Variants in DAB1 observed in about 807,000 individuals in gnomAD.
DAB1 encodes disabled homolog 1.
In DAB1, 15 loss-of-function variants were observed where a neutral mutation model predicts 64.6. That is an observed-to-expected ratio of 0.23 (90% CI 0.16 to 0.36). The LOEUF (loss-of-function observed/expected upper bound fraction) is 0.36, where lower values mean the gene tolerates loss of function less well. DAB1 is among the 10% of genes least tolerant of loss of function. The probability of loss-of-function intolerance (pLI) is 1.00; values close to 1 mark genes in which losing one functional copy is unlikely to be tolerated. For missense variants in DAB1, 596 were observed against 706.7 expected, an observed-to-expected ratio of 0.84 and a Z score of 1.78; for synonymous variants, 235 against 251.9, an observed-to-expected ratio of 0.93 and a Z score of 0.64.
At chr1:57,373,471 C>A (rs1021248442) in intron 1 of DAB1, among the ~76,000 whole-genome samples, 1 of 152,114 alleles carries the variant, frequency 6.6e-6, no homozygotes, top group South Asian at 2.1e-4. Context: ...AGCCCCCTAC[C>A]TGCCCCCTCA....
At chr1:58,472,301 G>A (rs1269687855) in intron 3 of DAB1, among the ~76,000 whole-genome samples, 1 of 152,200 alleles carries the variant, frequency 6.6e-6, no homozygotes, top group African/African-American at 2.4e-5. Context: ...GTCCTGAATA[G>A]GAGTAAAATA....
chr1:57,113,950 C>A (rs189444982), intron 4 of DAB1, among the ~76,000 whole-genome samples: 14 of 152,342 alleles, frequency 9.2e-5, no homozygotes, highest in Admixed American at 7.2e-4. Context: ...TGCACATACT[C>A]TTAGAGTACA....
chr1:57,189,517 A>G (rs1436756191), intron 2 of DAB1, among the ~76,000 whole-genome samples: 2 of 152,138 alleles, frequency 1.3e-5, no homozygotes, highest in African/African-American at 2.4e-5. Flanking sequence ...TCTGGAGCAA[A>G]TGGTTTTGCA....
At chr1:57,413,445 G>A (rs2101064593) in intron 1 of DAB1, among the ~76,000 whole-genome samples, 1 of 152,178 alleles carries the variant, frequency 6.6e-6, no homozygotes, top group Admixed American at 6.5e-5. Flanking sequence ...ATTCTGTAAA[G>A]AATTCATCAT....
At chr1:57,888,801 A>G (rs1644264682), upstream of DAB1, among the ~76,000 whole-genome samples, 1 of 152,236 alleles carries the variant, frequency 6.6e-6, no homozygotes. Flanking sequence ...AAATATATAA[A>G]TTAAATTAAT....
At chr1:57,689,050 C>T (rs1006044780) in intron 6 of DAB1, among the ~76,000 whole-genome samples, 3 of 152,106 alleles carry the variant, frequency 2.0e-5, no homozygotes, top group Admixed American at 1.3e-4. Flanking sequence ...CACATGTACC[C>T]ATTGTATCTA....
intron 7 of DAB1, among the ~76,000 whole-genome samples, chr1:57,435,995 C>T (rs1231928604): frequency 1.4e-5 from 2 of 147,230 alleles, no homozygotes; most frequent in African/African-American, 5.1e-5. Flanking sequence ...CAGCTTACTG[C>T]AACTTCTGCC....
intron 1 of DAB1, among the ~76,000 whole-genome samples, chr1:57,828,940 T>C (rs1652471522): frequency 1.3e-5 from 2 of 152,320 alleles, no homozygotes; most frequent in Admixed American, 6.5e-5. Context: ...AGCATTCTGG[T>C]TTCCTCAAAT....
At chr1:57,273,844 C>T (rs376344798) in intron 2 of DAB1, among the ~76,000 whole-genome samples, 2 of 151,958 alleles carry the variant, frequency 1.3e-5, no homozygotes, top group African/African-American at 4.8e-5. Context: ...TGAGTCGAGA[C>T]TGAACAGAAA....
intron 7 of DAB1, among the ~76,000 whole-genome samples, chr1:57,497,844 G>C (rs189653609): frequency 3.9e-5 from 6 of 152,306 alleles, no homozygotes; most frequent in Admixed American, 3.9e-4. Flanking sequence ...GCCATTGGAG[G>C]ATTTTAATCA....
chr1:57,714,708 A>G (rs1433590905), intron 6 of DAB1, among the ~76,000 whole-genome samples: 2 of 152,210 alleles, frequency 1.3e-5, no homozygotes, highest in African/African-American at 2.4e-5. Flanking sequence ...GGACCAGATC[A>G]TAAGGAACTT....
intron 3 of DAB1, among the ~76,000 whole-genome samples, chr1:58,459,336 T>G (rs1224872881): frequency 1.3e-5 from 2 of 152,192 alleles, no homozygotes; most frequent in Non-Finnish European, 2.9e-5. Flanking sequence ...TCTTGCAAGG[T>G]TGCAAAATAA....
chr1:58,514,914 C>T (rs1203234716), intron 2 of DAB1, among the ~76,000 whole-genome samples: 2 of 152,266 alleles, frequency 1.3e-5, no homozygotes, highest in South Asian at 4.1e-4. Flanking sequence ...TTAACTCCTC[C>T]ATCCCTCAGG....
intron 5 of DAB1, among the ~76,000 whole-genome samples, chr1:58,120,416 C>T (rs1652666690): frequency 6.6e-6 from 1 of 152,090 alleles, no homozygotes; most frequent in African/African-American, 2.4e-5. Context: ...ATAAGCCTGG[C>T]CTGGATTCTA....
intron 4 of DAB1, among the ~76,000 whole-genome samples, chr1:57,118,912 A>G (rs548784977): frequency 6.6e-6 from 1 of 152,284 alleles, no homozygotes; most frequent in South Asian, 2.1e-4. Context: ...GCTCGCATTT[A>G]TGATGATAGA....
At chr1:57,944,009 T>C (rs1429934108) in intron 5 of DAB1, among the ~76,000 whole-genome samples, 1 of 152,152 alleles carries the variant, frequency 6.6e-6, no homozygotes, top group Non-Finnish European at 1.5e-5. Flanking sequence ...ACTTAGGAAG[T>C]AGTTCTCTCT....
intron 9 of DAB1, among the ~76,000 whole-genome samples, chr1:57,060,707 A>G (rs1326616074): frequency 6.6e-6 from 1 of 152,148 alleles, no homozygotes; most frequent in Non-Finnish European, 1.5e-5. Context: ...GGCTGCAGAG[A>G]GAGTGGGGAG....
intron 6 of DAB1, among the ~76,000 whole-genome samples, chr1:57,728,802 T>C (rs1318954367): frequency 1.3e-5 from 2 of 152,230 alleles, no homozygotes; most frequent in African/African-American, 4.8e-5. Flanking sequence ...AACACCTTTC[T>C]CATCTTCATA....
chr1:58,213,143 C>T (rs1359576560), intron 4 of DAB1, among the ~76,000 whole-genome samples: 5 of 152,054 alleles, frequency 3.3e-5, no homozygotes, highest in Non-Finnish European at 7.4e-5. Context: ...ATCTGATTTG[C>T]AAAGGTCAAA....
Sources: allele counts gnomAD v4.1 joint callset (sites outside exome capture counted in the v4.1 genomes callset), GRCh38; gene constraint gnomAD v4.1.1; transcripts MANE v1.5; gene names NCBI Gene and HGNC (gene_info 2026-07-23, HGNC 2026-07-21).